The following NLRP13 variants were observed in gnomAD, a reference collection of about 807,000 sequenced individuals.
The protein encoded by NLRP13 is NLR family pyrin domain containing 13, also known as NACHT, LRR and PYD domains-containing protein 13.
Under a neutral mutation model 94.4 loss-of-function variants are expected in NLRP13, and 82 were observed. The ratio of observed to expected loss-of-function variants is 0.87; its 90% CI spans 0.73 to 1.04. The LOEUF is 1.04. NLRP13 is among the 50% of genes least tolerant of loss of function. The probability of loss-of-function intolerance (pLI) is 0.00; values close to 1 mark genes in which losing one functional copy is unlikely to be tolerated. For missense variants in NLRP13, 1,426 were observed against 1,230.8 expected, an observed-to-expected ratio of 1.16 and a Z score of -2.37; for synonymous variants, 553 against 464.7, an observed-to-expected ratio of 1.19 and a Z score of -2.45.
chr19:55,915,251 C>G (rs77404679), intron 4 of NLRP13, among the ~76,000 whole-genome samples: 1 of 152,100 alleles, frequency 6.6e-6, no homozygotes. Context: ...TAAGGAGGTT[C>G]GAGATGGCTG....
rs1170083531 is a variant in NLRP13 at position 55,912,127 on chromosome 19, G to A, written c.1690C>T (p.Gln564Ter). Residue 564 changes from glutamine (Q) to a stop codon, truncating the protein, a stop_gained, in exon 5 of 11, where the codon CAA (glutamine) becomes TAA (stop). Coordinates refer to ENST00000342929, the MANE Select transcript of NLRP13 (RefSeq NM_176810.2). LOFTEE classifies it high-confidence loss of function. The part of the protein sequence containing the change: ...REFPPHSTKP[Q>*]EMKMLLQHVL... The stretch of plus-strand genomic sequence containing the variant: ...TGTTGCAGTAACATCTTCATCTCTT[G>A]TGGCTTTGTGGAATGGGGAGGGAAT... The A allele has an allele frequency of 6.2e-7, 1 of 1,614,168 alleles. No individual in the cohort carries two copies. Among genetic ancestry groups the A allele is most frequent in the Middle Eastern group, 1.6e-4 (1 of 6,062 alleles).
At chr19:55,891,909 A>G (rs1029913987), downstream of NLRP13, 2 of 399,168 alleles carry the variant, frequency 5.0e-6, no homozygotes, top group Admixed American at 4.4e-5. Context: ...GTCCCCACAA[A>G]TGGTGACATT....
chr19:55,924,679 G>A (rs751079695), intron 2 of NLRP13, 21 bp from the exon 3 acceptor site: 1 of 1,606,310 alleles, frequency 6.2e-7, no homozygotes, highest in Admixed American at 1.7e-5. Flanking sequence ...CATTGACGAT[G>A]AGATATGAAA....
intron 10 of NLRP13, among the ~76,000 whole-genome samples, chr19:55,897,338 G>C (rs1414683906): frequency 6.6e-6 from 1 of 152,098 alleles, no homozygotes; most frequent in Non-Finnish European, 1.5e-5. Context: ...GGGCAACATG[G>C]TGAAACCTCA....
intron 4 of NLRP13, among the ~76,000 whole-genome samples, chr19:55,920,765 G>GA (rs200017719): frequency 0.018 from 2,788 of 151,114 alleles, 89 homozygotes; most frequent in African/African-American, 0.063. Flanking sequence ...TCTATTCTAA[G>GA]AAAAAAAAAT....
chr19:55,892,018 C>G, downstream of NLRP13: 1 of 1,066,376 alleles, frequency 9.4e-7, no homozygotes, highest in Non-Finnish European at 1.2e-6. Flanking sequence ...CACCACTTGT[C>G]TTCAAGGTCA....
In NLRP13 at chr19:55,896,820, CAAAAAAAA is replaced by C. The variant is rs3073244; in HGVS notation, c.2958-709_2958-702del. Among the ~76,000 whole-genome samples, 55 of 80,908 alleles carry C rather than the reference CAAAAAAAA, an allele frequency of 6.8e-4. 1 individual carries two copies. Among genetic ancestry groups the C allele is most frequent in the Middle Eastern group, 8.3e-3 (1 of 120 alleles). The allele number at this position is 80,908 out of a possible 152,430, so 53.1% of individuals were successfully genotyped here. On this transcript the variant is annotated intron_variant, in intron 10 of 10. Coordinates refer to ENST00000342929, the MANE Select transcript of NLRP13 (RefSeq NM_176810.2). ...GGCGACAGAGCAAGACTCCATCTCA[CAAAAAAAA>C]AAAAAAAAAAAAAAAAATGGAAAAG... is the stretch of plus-strand genomic sequence containing the variant.
intron 4 of NLRP13, among the ~76,000 whole-genome samples, chr19:55,913,878 A>G (rs572594477): frequency 6.6e-6 from 1 of 152,240 alleles, no homozygotes; most frequent in Non-Finnish European, 1.5e-5. Context: ...CCTTCTAGCC[A>G]GTAGAGGGGG....
intron 6 of NLRP13, among the ~76,000 whole-genome samples, chr19:55,908,592 TAAAA>T (rs66662461): frequency 6.6e-6 from 1 of 151,870 alleles, no homozygotes; most frequent in Admixed American, 6.6e-5. Context: ...TATGCAGCCA[TAAAA>T]AAAGAATGAG....
At chr19:55,902,278 A>G in intron 8 of NLRP13, 73 bp from the exon 9 acceptor site, 1 of 1,233,498 alleles carries the variant, frequency 8.1e-7, no homozygotes, top group Non-Finnish European at 1.1e-6. Flanking sequence ...ACAGAGCCTC[A>G]GGGCCCCCTC....
At chr19:55,898,123 A>C (rs553943711) in intron 10 of NLRP13, among the ~76,000 whole-genome samples, 2 of 152,170 alleles carry the variant, frequency 1.3e-5, no homozygotes, top group East Asian at 3.9e-4. Context: ...CAATGTACCA[A>C]GGATGGTGGT....
chr19:55,907,846 A>G lies in NLRP13; in HGVS notation c.2393T>C (p.Val798Ala). Residue 798 changes from valine (V) to alanine (A), a missense_variant, in exon 7 of 11, where the codon GTC becomes GCC. Val to Ala is a moderately conservative substitution (Grantham distance 64). Transcript: ENST00000342929. ...NFSSNKLGMTVPLILKALRHS... is the reference protein window; with the variant it reads ...NFSSNKLGMTAPLILKALRHS... ...TCTCAAAGCTTTAAGAATCAGGGGG[A>G]CAGTCATTCCCAGCTTGTTAGAGCT... The G allele has an allele frequency of 6.2e-7, 1 of 1,613,872 alleles. No homozygotes were observed.
intron 4 of NLRP13, among the ~76,000 whole-genome samples, chr19:55,918,914 G>A (rs1429861502): frequency 6.6e-6 from 1 of 151,580 alleles, no homozygotes; most frequent in African/African-American, 2.4e-5. Flanking sequence ...GCTCAACAAG[G>A]ACACAAAAAG....
At chr19:55,911,432 A>G (rs1161348776) in intron 5 of NLRP13, among the ~76,000 whole-genome samples, 1 of 152,174 alleles carries the variant, frequency 6.6e-6, no homozygotes, top group Non-Finnish European at 1.5e-5. Flanking sequence ...GTTAGATACA[A>G]GTAGATGTCT....
At chr19:55,915,554 C>T (rs1311552449) in intron 4 of NLRP13, among the ~76,000 whole-genome samples, 4 of 152,164 alleles carry the variant, frequency 2.6e-5, no homozygotes, top group Non-Finnish European at 5.9e-5. Flanking sequence ...GCCAAGATCG[C>T]ACCACTGTAC....
intron 4 of NLRP13, among the ~76,000 whole-genome samples, chr19:55,915,580 G>A (rs1008178857): frequency 6.6e-6 from 1 of 152,056 alleles, no homozygotes; most frequent in Non-Finnish European, 1.5e-5. Context: ...CCTGGGCAAC[G>A]GGGCAAGACT....
In NLRP13 at chr19:55,913,306, G is replaced by A; in HGVS notation, c.524-13C>T. ...TTTCTTCTGTGGTCTAGAGAGGGCG[G>A]AGTGGGGAGAAGAATGGTAAGAATA... is the stretch of plus-strand genomic sequence containing the variant. On this transcript the variant is annotated splice_polypyrimidine_tract_variant and intron_variant, in intron 4 of 10. Transcript: ENST00000342929. 1 of 1,605,444 alleles carries A rather than the reference G, an allele frequency of 6.2e-7. No homozygotes were observed. Among genetic ancestry groups the A allele is most frequent in the African/African-American group, 1.3e-5 (1 of 74,552 alleles).
chr19:55,925,137 G>A, intron 1 of NLRP13, 102 bp from the exon 2 acceptor site: 5 of 999,920 alleles, frequency 5.0e-6, no homozygotes, highest in Non-Finnish European at 7.8e-6. Context: ...ATGACAAACT[G>A]GAGTTTGAAG....
At chr19:55,923,302 G>C (rs985833779) in intron 4 of NLRP13, among the ~76,000 whole-genome samples, 5 of 152,178 alleles carry the variant, frequency 3.3e-5, no homozygotes, top group African/African-American at 1.2e-4. Flanking sequence ...AGAAGTTGTA[G>C]GAAAAATGCA....
Sources: allele counts gnomAD v4.1 joint callset (sites outside exome capture counted in the v4.1 genomes callset), GRCh38; gene constraint gnomAD v4.1.1; transcripts MANE v1.5; gene names NCBI Gene and HGNC (gene_info 2026-07-23, HGNC 2026-07-21).